Variants in LIFR observed in about 807,000 individuals in gnomAD.
LIFR encodes LIF receptor subunit alpha.
In LIFR, 84 loss-of-function variants were observed where a neutral mutation model predicts 122.2. That is an observed-to-expected ratio of 0.69 (90% CI 0.58 to 0.82). The LOEUF is 0.82. Ranked by LOEUF, LIFR falls within the 40% of genes least tolerant of loss-of-function variation. LIFR has a pLI of 0.00. For synonymous variants in LIFR, 422 were observed against 434.7 expected, an observed-to-expected ratio of 0.97 and a Z score of 0.36; for missense variants, 1,294 against 1,311.6, an observed-to-expected ratio of 0.99 and a Z score of 0.21.
chr5:38,509,431 G>C (rs2112485352), intron 7 of LIFR, among the ~76,000 whole-genome samples: 1 of 152,234 alleles, frequency 6.6e-6, no homozygotes, highest in South Asian at 2.1e-4. Context: ...TCAGATTACA[G>C]CCATCAAGCT....
rs181234238 is a variant in LIFR at position 38,575,870 on chromosome 5, G to A, written c.-20+19391C>T. Among the ~76,000 whole-genome samples the A allele has an allele frequency of 4.8e-3, 735 of 152,274 alleles. 16 individuals carry two copies. Among genetic ancestry groups the A allele is most frequent in the Admixed American group, 0.042 (637 of 15,296 alleles). On this transcript the variant is annotated intron_variant, in intron 1 of 19. Coordinates refer to the LIFR transcript ENST00000263409. ...GATTTGGGTAACTGAGGTGACCCGG[G>A]CTCAAGTCGGTTTAGCTCAGATACT...
intron 1 of LIFR, among the ~76,000 whole-genome samples, chr5:38,580,545 T>C (rs1007641872): frequency 6.6e-6 from 1 of 152,158 alleles, no homozygotes; most frequent in African/African-American, 2.4e-5. Context: ...ATTAATCTGC[T>C]ACCTGGCCTT....
intron 5 of LIFR, among the ~76,000 whole-genome samples, chr5:38,519,311 G>A (rs758756936): frequency 6.6e-6 from 1 of 152,120 alleles, no homozygotes; most frequent in Admixed American, 6.6e-5. Context: ...CCTTATACAG[G>A]TGTACCATTT....
intron 1 of LIFR, among the ~76,000 whole-genome samples, chr5:38,546,683 T>G (rs1223863202): frequency 6.6e-6 from 1 of 152,104 alleles, no homozygotes; most frequent in Non-Finnish European, 1.5e-5. Context: ...TGCAGTAGAG[T>G]TAAAGAGAAA....
chr5:38,483,301 C>G (rs1459441443), intron 18 of LIFR, among the ~76,000 whole-genome samples: 1 of 152,238 alleles, frequency 6.6e-6, no homozygotes, highest in Non-Finnish European at 1.5e-5. Flanking sequence ...AACTGTATTA[C>G]TTGAAATTCC....
chr5:38,594,414 G>T (rs914714839), intron 1 of LIFR, among the ~76,000 whole-genome samples: 1 of 152,092 alleles, frequency 6.6e-6, no homozygotes, highest in South Asian at 2.1e-4. Flanking sequence ...AACACGAAGA[G>T]TATACATAGT....
At chr5:38,514,092 A>G (rs1745948950) in intron 5 of LIFR, among the ~76,000 whole-genome samples, 1 of 152,140 alleles carries the variant, frequency 6.6e-6, no homozygotes, top group Admixed American at 6.5e-5. Flanking sequence ...GAAATTCAAT[A>G]GCAGGATGCA....
In LIFR at chr5:38,504,071, C is replaced by T; in HGVS notation, c.1342G>A (p.Ala448Thr). ...GGTAAATGCCAAGAAAGTTTAACAG[C>T]TGTTGAATTAATATCCTTCACTTTG... is the stretch of plus-strand genomic sequence containing the variant. ...SFKVKDINSTAVKLSWHLPGN... is the reference protein window; with the variant it reads ...SFKVKDINSTTVKLSWHLPGN... Residue 448 changes from alanine to threonine, a missense_variant, in exon 10 of 20, where the codon GCT (alanine) becomes ACT (threonine). Transcript: ENST00000453190. The T allele has an allele frequency of 6.3e-7, 1 of 1,587,152 alleles. No homozygotes were observed. The highest frequency in any genetic ancestry group is 2.2e-5 in the East Asian group (1 of 44,618).
At chr5:38,486,051 C>T (rs567899582) in intron 16 of LIFR, 71 bp from the exon 17 acceptor site, 1,457 of 1,396,384 alleles carry the variant, frequency 1.0e-3, no homozygotes, top group Non-Finnish European at 1.4e-3. Flanking sequence ...CCACACCTGT[C>T]TCACCAACTG....
chr5:38,581,233 C>A (rs1417370632), intron 1 of LIFR, among the ~76,000 whole-genome samples: 2 of 151,794 alleles, frequency 1.3e-5, no homozygotes, highest in Non-Finnish European at 2.9e-5. Context: ...AAAAAAAAAA[C>A]TTATCAGGTC....
chr5:38,530,887 A>G (rs1013847610), intron 1 of LIFR: 3 of 498,084 alleles, frequency 6.0e-6, no homozygotes, highest in African/African-American at 5.8e-5. Context: ...TTTTCAAATG[A>G]TGGGCTTCAA....
At chr5:38,538,846 C>G (rs529541941) in intron 1 of LIFR, among the ~76,000 whole-genome samples, 1 of 152,360 alleles carries the variant, frequency 6.6e-6, no homozygotes, top group African/African-American at 2.4e-5. Flanking sequence ...GGCCAAATAT[C>G]AGAAGGCTGG....
chr5:38,549,581 A>G (rs1696133525), intron 1 of LIFR, among the ~76,000 whole-genome samples: 1 of 152,192 alleles, frequency 6.6e-6, no homozygotes, highest in Admixed American at 6.5e-5. Context: ...TCACGAGGTC[A>G]GGAGATCGAG....
At chr5:38,604,660 C>T (rs1438097690) in intron 2 of LIFR, among the ~76,000 whole-genome samples, 1 of 151,704 alleles carries the variant, frequency 6.6e-6, no homozygotes, top group Non-Finnish European at 1.5e-5. Flanking sequence ...GAGATTGCGC[C>T]GTTGCACTCC....
At chr5:38,550,350 T>G (rs1748136612) in intron 1 of LIFR, 1 of 382,600 alleles carries the variant, frequency 2.6e-6, no homozygotes, top group Non-Finnish European at 3.6e-6. Context: ...TTAAAGCATC[T>G]GTTTTCAAAT....
Position 38,477,437 on chromosome 5 carries a change from G to A in LIFR, c.*4158C>T, listed in dbSNP as rs1477280293. On this transcript the variant is annotated 3_prime_UTR_variant, in exon 20 of 20. Coordinates refer to ENST00000453190, the MANE Select transcript of LIFR (RefSeq NM_001127671.2). ...AAAGACTTAAAATAAATGCTTTCAAGAAATAGTTTATCAAGAGAATGAGTT... is the reference window on the plus strand; with the variant it reads ...AAAGACTTAAAATAAATGCTTTCAAAAAATAGTTTATCAAGAGAATGAGTT... The A allele has an allele frequency of 9.4e-6, 2 of 213,574 alleles. No individual in the cohort carries two copies. Among genetic ancestry groups the A allele is most frequent in the Non-Finnish European group, 1.9e-5 (2 of 105,742 alleles). The allele number at this position is 213,574 out of a possible 1,614,324, so 13.2% of individuals were successfully genotyped here. A position where few individuals can be genotyped will look rare whatever the true frequency, so the allele number is the denominator to read the frequency against.
chr5:38,525,889 G>A (rs1200806447), intron 4 of LIFR, among the ~76,000 whole-genome samples: 1 of 152,052 alleles, frequency 6.6e-6, no homozygotes, highest in Non-Finnish European at 1.5e-5. Context: ...CTAAGACAAC[G>A]CTCATCTTTA....
rs1744884461 is a variant in LIFR, at chr5:38,496,507, A to C, written c.1760T>G (p.Ile587Ser). 6.8e-6 allele frequency: 11 copies of C among 1,613,888 alleles called. No homozygotes were observed. The highest frequency in any genetic ancestry group is 9.3e-6 in the Non-Finnish European group (11 of 1,179,744). ...CTCTGCTTTGTGCTGAGGATCAGGGATTTCAGAAAGGGACTGTGTTTCCTC... is the reference window on the plus strand; with the variant it reads ...CTCTGCTTTGTGCTGAGGATCAGGGCTTTCAGAAAGGGACTGTGTTTCCTC... ...SDEETQSLSE[I>S]PDPQHKAEIR... Residue 587 changes from isoleucine (I) to serine (S), a missense_variant, in exon 13 of 20, where the codon ATC (isoleucine) becomes AGC (serine). Transcript: ENST00000453190.
chr5:38,514,618 T>C (rs1015578553), intron 5 of LIFR, among the ~76,000 whole-genome samples: 2 of 152,240 alleles, frequency 1.3e-5, no homozygotes, highest in Non-Finnish European at 2.9e-5. Flanking sequence ...GCAAGCTAGC[T>C]ATTATAGATA....
Sources: allele counts gnomAD v4.1 joint callset (sites outside exome capture counted in the v4.1 genomes callset), GRCh38; gene constraint gnomAD v4.1.1; transcripts MANE v1.5; gene names NCBI Gene and HGNC (gene_info 2026-07-23, HGNC 2026-07-21).